The following CPD variants were observed in gnomAD, a reference collection of about 807,000 sequenced individuals.
CPD encodes carboxypeptidase D.
In CPD, 69 loss-of-function variants were observed where a neutral mutation model predicts 138.3. That is an observed-to-expected ratio of 0.50 (90% CI 0.41 to 0.61). The LOEUF is 0.61. Ranked by LOEUF, CPD falls within the 20% of genes least tolerant of loss-of-function variation. CPD has a pLI of 0.00. For missense variants in CPD, 1,432 were observed against 1,733.3 expected (o/e 0.83, Z 3.09); for synonymous variants, 651 against 642.1 (o/e 1.01, Z -0.21).
chr17:30,403,998 G>A (rs527691217), intron 2 of CPD, among the ~76,000 whole-genome samples: 1 of 152,202 alleles, frequency 6.6e-6, no homozygotes, highest in South Asian at 2.1e-4. Flanking sequence ...AGTGAAAGAA[G>A]CCTAATACAA....
chr17:30,451,665 A>T (rs751106022), intron 13 of CPD, 46 bp from the exon 14 acceptor site: 1 of 1,588,794 alleles, frequency 6.3e-7, no homozygotes. Context: ...GTACCCATTG[A>T]TTCTACATGC....
At position 30,420,941 on chromosome 17, in the gene CPD, A is replaced by G. The variant is rs1391354070; in HGVS notation, c.1095A>G (p.Glu365=). ...KYPPASQLRQ[E]WENNRESLIT... is the part of the protein sequence containing the mutation. ...CACCTGCTTCACAGCTTCGACAGGA[A>G]TGGGAGAACAATCGTGAGTCTTTGA... Residue 365 remains glutamate (E), a synonymous_variant, in exon 3 of 21, where the codon GAA becomes GAG. Coordinates refer to ENST00000225719, the MANE Select transcript of CPD (RefSeq NM_001304.5). 2.5e-6 allele frequency: 4 copies of G among 1,613,936 alleles called. No individual in the cohort carries two copies. Among genetic ancestry groups the G allele is most frequent in the East Asian group, 4.5e-5 (2 of 44,860 alleles).
intron 2 of CPD, among the ~76,000 whole-genome samples, chr17:30,401,939 CTTT>C (rs35596472): frequency 2.2e-5 from 3 of 139,446 alleles, no homozygotes; most frequent in Non-Finnish European, 3.1e-5. Flanking sequence ...CATTATTTCA[CTTT>C]TTTTTTTTTT....
rs1164174804 is a variant in CPD, at chr17:30,468,181, G to GT, written c.*3368dup. 1.3e-5 allele frequency: 2 copies of GT among 152,462 alleles called. No individual in the cohort carries two copies. Among genetic ancestry groups the GT allele is most frequent in the Non-Finnish European group, 2.9e-5 (2 of 67,990 alleles). The allele number at this position is 152,462 out of a possible 1,614,324, so 9.4% of individuals were successfully genotyped here. On this transcript the variant is annotated 3_prime_UTR_variant, in exon 21 of 21. Transcript: ENST00000225719. ...GATTCCACTTGATTTTCAGAATATT[G>GT]TCCTGGTTGATTTTGATTTGACAGC...
intron 2 of CPD, among the ~76,000 whole-genome samples, chr17:30,400,652 CTTTTT>C (rs34301387): frequency 1.7e-5 from 1 of 57,578 alleles, no homozygotes; most frequent in African/African-American, 7.8e-5. Flanking sequence ...TGCCATCATT[CTTTTT>C]TTTTTTTTTT....
chr17:30,395,196 CT>C (rs35079822), intron 2 of CPD, among the ~76,000 whole-genome samples: 354 of 97,810 alleles, frequency 3.6e-3, no homozygotes, highest in African/African-American at 6.8e-3. Context: ...CAGATGGGTG[CT>C]TTTTTTTTTT....
At chr17:30,446,606 T>C (rs1293482349) in intron 12 of CPD, among the ~76,000 whole-genome samples, 1 of 152,232 alleles carries the variant, frequency 6.6e-6, no homozygotes, top group Non-Finnish European at 1.5e-5. Context: ...TCCAAGTCTT[T>C]GCTATTGTGA....
chr17:30,409,470 G>A (rs8080064), intron 2 of CPD, among the ~76,000 whole-genome samples: 104 of 152,020 alleles, frequency 6.8e-4, no homozygotes, highest in Non-Finnish European at 1.1e-3. Flanking sequence ...AGAATTCAGC[G>A]GTGAATCCCT....
In CPD at chr17:30,379,004, G is replaced by C. The variant is rs1215926014; in HGVS notation, c.24G>C (p.Arg8=). The C allele has an allele frequency of 6.5e-7, 1 of 1,546,278 alleles. No individual in the cohort carries two copies. Among genetic ancestry groups the C allele is most frequent in the Non-Finnish European group, 8.6e-7 (1 of 1,156,278 alleles). ...AGATGGCGAGCGGCCGGGACGAGCGGCCGCCTTGGCGGCTAGGGCGGCTCC... is the reference window on the plus strand; with the variant it reads ...AGATGGCGAGCGGCCGGGACGAGCGCCCGCCTTGGCGGCTAGGGCGGCTCC... The part of the protein sequence containing the change: MASGRDE[R]PPWRLGRLLL... The change falls in exon 1 of 21, where the codon CGG becomes CGC. Residue 8 remains arginine, a synonymous_variant. Coordinates refer to ENST00000225719, the MANE Select transcript of CPD (RefSeq NM_001304.5). The surrounding 1 kb of genome is among the most constrained non-coding windows in gnomAD (Gnocchi z 7.0).
intron 17 of CPD, among the ~76,000 whole-genome samples, chr17:30,459,234 AT>A (rs938182464): frequency 1.7e-4 from 13 of 77,076 alleles, no homozygotes; most frequent in Non-Finnish European, 2.5e-4. Context: ...TTTATTATTT[AT>A]TTTTTTATTA....
Position 30,464,956 on chromosome 17 carries a change from T to A in CPD, c.*142T>A. 1 of 671,530 alleles carries A rather than the reference T, an allele frequency of 1.5e-6. No individual in the cohort carries two copies. The highest frequency in any genetic ancestry group is 2.5e-6 in the Non-Finnish European group (1 of 399,040). The allele number at this position is 671,530 out of a possible 1,614,324, so 41.6% of individuals were successfully genotyped here. A position where few individuals can be genotyped will look rare whatever the true frequency, so the allele number is the denominator to read the frequency against. On this transcript the variant is annotated 3_prime_UTR_variant, in exon 21 of 21. Coordinates refer to ENST00000225719, the MANE Select transcript of CPD (RefSeq NM_001304.5). ...TAAATTGCTAAATTTGTATTCTCTG[T>A]GAATTTCACTGGCAGTTTTGAACTT...
chr17:30,399,279 G>A (rs1911589175), intron 2 of CPD, among the ~76,000 whole-genome samples: 1 of 152,040 alleles, frequency 6.6e-6, no homozygotes, highest in South Asian at 2.1e-4. Context: ...TGAAAAGCAT[G>A]TGTATTCTGC....
intron 17 of CPD, among the ~76,000 whole-genome samples, chr17:30,460,967 G>A (rs1038802447): frequency 2.0e-5 from 3 of 152,148 alleles, no homozygotes; most frequent in African/African-American, 7.2e-5. Context: ...AAATGAATTC[G>A]ACATAGCCCC....
chr17:30,420,383 A>G (rs1912234057), intron 2 of CPD, among the ~76,000 whole-genome samples: 1 of 152,174 alleles, frequency 6.6e-6, no homozygotes, highest in African/African-American at 2.4e-5. Context: ...TGAGATGTGT[A>G]CCCTTTATTT....
At chr17:30,429,234 A>G (rs1912501561) in intron 7 of CPD, among the ~76,000 whole-genome samples, 1 of 152,166 alleles carries the variant, frequency 6.6e-6, no homozygotes, top group South Asian at 2.1e-4. Context: ...GCTATGTTTG[A>G]TAAAATTCAC....
At position 30,379,351 on chromosome 17, in the gene CPD, C is replaced by A. The variant is rs928176909; in HGVS notation, c.371C>A (p.Pro124Gln). The change falls in exon 1 of 21, where the codon CCG (proline) becomes CAG (glutamine). Residue 124 changes from proline to glutamine, a missense_variant. This residue lies in a region of CPD where 484 missense variants were observed against 477.2 expected (regional missense o/e 1.01). Coordinates refer to ENST00000225719, the MANE Select transcript of CPD (RefSeq NM_001304.5). The surrounding 1 kb of genome is among the most constrained non-coding windows in gnomAD (Gnocchi z 7.0). Reference protein sequence around the residue: ...PDAAGPDAAGPLLPGRPQVKL... With the variant: ...PDAAGPDAAGQLLPGRPQVKL... Reference sequence around the variant, plus strand: ...GCTGCCGGGCCCGACGCTGCGGGGCCGCTGCTGCCCGGCCGGCCCCAGGTG... The same window carrying A: ...GCTGCCGGGCCCGACGCTGCGGGGCAGCTGCTGCCCGGCCGGCCCCAGGTG... 9 of 1,495,968 alleles carry A rather than the reference C, an allele frequency of 6.0e-6. No homozygotes were observed. In the African/African-American group the frequency reaches 1.3e-4, roughly 22 times the overall value. 92.7% of individuals were successfully genotyped at this position (1,495,968 alleles called of 1,614,324 possible).
chr17:30,438,660 A>G (rs1304450874), intron 8 of CPD, among the ~76,000 whole-genome samples: 1 of 152,046 alleles, frequency 6.6e-6, no homozygotes, highest in Non-Finnish European at 1.5e-5. Flanking sequence ...ATGAGCAGAA[A>G]TTTTTTTTAG....
chr17:30,407,395 A>T (rs6505185), intron 2 of CPD, among the ~76,000 whole-genome samples: 94,291 of 152,080 alleles, frequency 0.62, 30,684 homozygotes, highest in East Asian at 0.82. Flanking sequence ...CGCCACACTG[A>T]CTTCCACAAT....
chr17:30,397,907 T>TG (rs997285477), intron 2 of CPD, among the ~76,000 whole-genome samples: 1 of 150,920 alleles, frequency 6.6e-6, no homozygotes, highest in African/African-American at 2.4e-5. Context: ...CATGGTGCAG[T>TG]GGTTCACACA....
Sources: gnomAD v4.1 joint callset for allele counts (sites outside exome capture counted in the v4.1 genomes callset) on GRCh38, gnomAD v4.1.1 for gene constraint, gnomAD v4.1.1 regional missense constraint, Gnocchi (gnomAD v3.1) non-coding constraint, MANE v1.5 for transcripts, NCBI Gene and HGNC (gene_info 2026-07-23, HGNC 2026-07-21) for gene names.